Variants in EXOC6 observed in about 807,000 individuals in gnomAD.
EXOC6 encodes the protein exocyst complex component 6, also known as SEC15-like 1.
A neutral mutation model predicts 112.5 loss-of-function variants in EXOC6; 60 were observed. The ratio of observed to expected loss-of-function variants is 0.53; its 90% confidence interval spans 0.43 to 0.66. The LOEUF (loss-of-function observed/expected upper bound fraction) is 0.66. EXOC6 is among the 30% of genes least tolerant of loss of function. The pLI, the probability that EXOC6 is intolerant of heterozygous loss-of-function variation, is 0.00. For synonymous variants in EXOC6, 295 were observed against 308.0 expected (o/e 0.96, Z 0.44); for missense variants, 855 against 957.1 (o/e 0.89, Z 1.41).
chr10:93,049,443 A>C (rs1419512652), intron 20 of EXOC6, among the ~76,000 whole-genome samples: 1 of 152,206 alleles, frequency 6.6e-6, no homozygotes, highest in African/African-American at 2.4e-5. Context: ...ACATCCATAC[A>C]ATATATTATT....
chr10:92,997,362 T>A (rs1843540070), intron 18 of EXOC6, 112 bp from the exon 19 acceptor site: 12 of 965,658 alleles, frequency 1.2e-5, no homozygotes, highest in Non-Finnish European at 1.8e-5. Context: ...ACCACTATTG[T>A]ACCAAGCATA....
At chr10:93,041,106 A>T (rs773900825) in intron 20 of EXOC6, among the ~76,000 whole-genome samples, 1 of 151,894 alleles carries the variant, frequency 6.6e-6, no homozygotes, top group Non-Finnish European at 1.5e-5. Context: ...TCCCTTTTTC[A>T]TGTTGTCTTT....
intron 20 of EXOC6, among the ~76,000 whole-genome samples, chr10:93,044,460 G>A (rs1300998873): frequency 6.6e-6 from 1 of 152,116 alleles, no homozygotes; most frequent in Admixed American, 6.5e-5. Flanking sequence ...TTATAATATT[G>A]TCTTTAACAG....
intron 1 of EXOC6, among the ~76,000 whole-genome samples, chr10:92,841,493 T>C (rs769699183): frequency 6.6e-6 from 1 of 152,194 alleles, no homozygotes; most frequent in Non-Finnish European, 1.5e-5. Context: ...TACATAAAAA[T>C]GGAGTCCAGA....
At chr10:92,940,499 A>G (rs530277094) in intron 12 of EXOC6, among the ~76,000 whole-genome samples, 3 of 152,282 alleles carry the variant, frequency 2.0e-5, no homozygotes, top group Non-Finnish European at 4.4e-5. Flanking sequence ...AAAAAGAGAG[A>G]GAAGAAATGG....
intron 18 of EXOC6, among the ~76,000 whole-genome samples, chr10:92,995,129 G>T (rs1243538233): frequency 6.6e-6 from 1 of 151,870 alleles, no homozygotes; most frequent in Non-Finnish European, 1.5e-5. Context: ...CCTGGATTTA[G>T]TATGCCTAAT....
At chr10:93,008,657 T>C (rs903074881) in intron 19 of EXOC6, among the ~76,000 whole-genome samples, 4 of 152,212 alleles carry the variant, frequency 2.6e-5, no homozygotes, top group Admixed American at 6.5e-5. Flanking sequence ...CATGAATTAT[T>C]GGGACCATAG....
intron 1 of EXOC6, among the ~76,000 whole-genome samples, chr10:92,873,197 A>G (rs1848530401): frequency 6.6e-6 from 1 of 152,192 alleles, no homozygotes; most frequent in Non-Finnish European, 1.5e-5. Context: ...GGAATGTAAA[A>G]ACAGGAAGGA....
chr10:93,018,020 A>G (rs1844619236), intron 20 of EXOC6, among the ~76,000 whole-genome samples: 1 of 151,634 alleles, frequency 6.6e-6, no homozygotes, highest in South Asian at 2.1e-4. Flanking sequence ...CAAAAAAAAA[A>G]AAAAAGAAAT....
chr10:92,847,907 T>C (rs1399691259), upstream of EXOC6, among the ~76,000 whole-genome samples: 1 of 150,806 alleles, frequency 6.6e-6, no homozygotes, highest in Non-Finnish European at 1.5e-5. Context: ...ATTTTTTATG[T>C]CGCTTATAAT....
At chr10:93,015,578 A>G (rs192033918) in intron 20 of EXOC6, among the ~76,000 whole-genome samples, 23 of 152,124 alleles carry the variant, frequency 1.5e-4, no homozygotes, top group African/African-American at 5.6e-4. Flanking sequence ...CTAAAAATAC[A>G]AAAAATTAGC....
intron 21 of EXOC6, among the ~76,000 whole-genome samples, chr10:93,057,961 T>C (rs1846622409): frequency 6.6e-6 from 1 of 152,220 alleles, no homozygotes; most frequent in Admixed American, 6.5e-5. Flanking sequence ...TAGAAAATAG[T>C]ATGATAGTAG....
intron 1 of EXOC6, among the ~76,000 whole-genome samples, chr10:92,828,496 G>C (rs1846420715): frequency 6.6e-6 from 1 of 152,050 alleles, no homozygotes; most frequent in Admixed American, 6.6e-5. Context: ...ACCACACCTG[G>C]CTAATTTTTG....
At chr10:92,844,819 A>T (rs1207475798), upstream of EXOC6, among the ~76,000 whole-genome samples, 3 of 152,162 alleles carry the variant, frequency 2.0e-5, no homozygotes, top group African/African-American at 7.2e-5. Flanking sequence ...TTCACACTTG[A>T]AGAACGTGAG....
chr10:93,028,774 C>T (rs1252905273), intron 20 of EXOC6, among the ~76,000 whole-genome samples: 4 of 137,266 alleles, frequency 2.9e-5, no homozygotes, highest in Admixed American at 8.2e-5. Flanking sequence ...GCGGAGGTTG[C>T]GGTGAGCTGA....
upstream of EXOC6, among the ~76,000 whole-genome samples, chr10:92,845,485 A>G (rs530277253): frequency 1.3e-4 from 19 of 149,254 alleles, no homozygotes; most frequent in Admixed American, 1.1e-3. Context: ...AGCGGGAGGC[A>G]GAGGTTGCAG....
At chr10:92,869,140 C>G (rs771326508) in intron 1 of EXOC6, among the ~76,000 whole-genome samples, 3 of 152,028 alleles carry the variant, frequency 2.0e-5, no homozygotes, top group Non-Finnish European at 4.4e-5. Context: ...TTTGCTCCAT[C>G]AGTGTGATTG....
intron 19 of EXOC6, among the ~76,000 whole-genome samples, chr10:93,001,959 T>G (rs993063412): frequency 3.3e-5 from 5 of 152,252 alleles, no homozygotes; most frequent in Admixed American, 3.3e-4. Context: ...TGCCCCAGAT[T>G]AAATATAGAG....
At chr10:92,917,360 T>C (rs1186835684) in intron 7 of EXOC6, among the ~76,000 whole-genome samples, 1 of 152,064 alleles carries the variant, frequency 6.6e-6, no homozygotes, top group African/African-American at 2.4e-5. Flanking sequence ...CTGGATAGTC[T>C]ACCTATTTAA....
Sources: allele counts gnomAD v4.1 joint callset (sites outside exome capture counted in the v4.1 genomes callset), GRCh38; gene constraint gnomAD v4.1.1; transcripts MANE v1.5; gene names NCBI Gene and HGNC (gene_info 2026-07-23, HGNC 2026-07-21).